PPP3CA: variants seen among roughly 807,000 people sequenced by gnomAD.
PPP3CA encodes the protein protein phosphatase 3 catalytic subunit alpha.
In PPP3CA, 14 loss-of-function variants were observed where a neutral mutation model predicts 66.5. The observed-to-expected ratio is 0.21, with a 90% CI of 0.14 to 0.33. The LOEUF (loss-of-function observed/expected upper bound fraction) is 0.33, where lower values mean the gene tolerates loss of function less well. Among genes scored for constraint, PPP3CA ranks in the 10% least tolerant of loss-of-function variants. The pLI is 1.00. For missense variants in PPP3CA, 317 were observed against 639.5 expected, an observed-to-expected ratio of 0.50 and a Z score of 5.44; for synonymous variants, 232 against 226.2, an observed-to-expected ratio of 1.03 and a Z score of -0.23.
At chr4:101,100,696 C>T (rs113867053) in intron 3 of PPP3CA, among the ~76,000 whole-genome samples, 3,509 of 152,152 alleles carry the variant, frequency 0.023, 60 homozygotes, top group Middle Eastern at 0.089. Context: ...CTTTTATCCT[C>T]GTAAAACCTG....
At chr4:101,060,571 T>TA (rs945295105) in intron 10 of PPP3CA, among the ~76,000 whole-genome samples, 1 of 152,014 alleles carries the variant, frequency 6.6e-6, no homozygotes, top group African/African-American at 2.4e-5. Flanking sequence ...TTAAAAAACA[T>TA]AAAAAACTCC....
At chr4:101,310,809 A>C (rs1728698236) in intron 1 of PPP3CA, among the ~76,000 whole-genome samples, 1 of 152,252 alleles carries the variant, frequency 6.6e-6, no homozygotes. Context: ...TTTTTGAGCA[A>C]AGGATCTTAT....
At chr4:101,178,413 A>G (rs1724131614) in intron 2 of PPP3CA, among the ~76,000 whole-genome samples, 1 of 152,114 alleles carries the variant, frequency 6.6e-6, no homozygotes, top group Admixed American at 6.6e-5. Context: ...ATCTGCTCCA[A>G]AAAAGACTTA....
At chr4:101,176,652 G>A (rs1724069088) in intron 2 of PPP3CA, among the ~76,000 whole-genome samples, 1 of 152,164 alleles carries the variant, frequency 6.6e-6, no homozygotes, top group Admixed American at 6.6e-5. Flanking sequence ...TTTAGCAACA[G>A]AGATTTGTAT....
At chr4:101,107,664 A>C (rs1394768677) in intron 3 of PPP3CA, among the ~76,000 whole-genome samples, 1 of 152,244 alleles carries the variant, frequency 6.6e-6, no homozygotes, top group African/African-American at 2.4e-5. Context: ...CAGTGACTAA[A>C]GGTGAATTAA....
At chr4:101,181,857 A>C (rs1014711020) in intron 2 of PPP3CA, among the ~76,000 whole-genome samples, 1 of 152,134 alleles carries the variant, frequency 6.6e-6, no homozygotes, top group African/African-American at 2.4e-5. Context: ...GGGATGTTAT[A>C]AATTATAACC....
At chr4:101,038,183 A>G (rs1393974352) in intron 11 of PPP3CA, among the ~76,000 whole-genome samples, 3 of 152,212 alleles carry the variant, frequency 2.0e-5, no homozygotes, top group African/African-American at 7.2e-5. Flanking sequence ...TGTGCTCCTG[A>G]TAATTTTTCC....
rs780544128 is a variant in PPP3CA, at chr4:101,098,379, A to G, written c.630T>C (p.Asp210=). The G allele has an allele frequency of 6.8e-6, 11 of 1,607,226 alleles. No homozygotes were observed. Among genetic ancestry groups the G allele is most frequent in the Non-Finnish European group, 8.5e-6 (10 of 1,177,472 alleles). ...TAACAAAACTTACTTTTCTGATATCATCTAAAGTGTTAATCTCTGGAGACA... is the reference window on the plus strand; with the variant it reads ...TAACAAAACTTACTTTTCTGATATCGTCTAAAGTGTTAATCTCTGGAGACA... ...GGLSPEINTL[D]DIRKLDRFKE... Residue 210 remains aspartate (D), a synonymous_variant, in exon 5 of 14, where the codon GAT becomes GAC. Transcript: ENST00000394854.
chr4:101,192,987 A>G (rs1724657910), intron 2 of PPP3CA, among the ~76,000 whole-genome samples: 1 of 152,212 alleles, frequency 6.6e-6, no homozygotes, highest in Admixed American at 6.5e-5. Flanking sequence ...GAGCACTGTC[A>G]AGGAAATACT....
chr4:101,095,583 G>A (rs1301016402), intron 5 of PPP3CA, among the ~76,000 whole-genome samples: 2 of 152,004 alleles, frequency 1.3e-5, no homozygotes, highest in Admixed American at 6.6e-5. Context: ...CTTAATTTAC[G>A]ATGTGAAGTT....
chr4:101,241,352 CT>C (rs1726303125), intron 1 of PPP3CA, among the ~76,000 whole-genome samples: 1 of 151,922 alleles, frequency 6.6e-6, no homozygotes, highest in African/African-American at 2.4e-5. Context: ...TGTGGAAGGC[CT>C]TTGTAAATGT....
At chr4:101,223,887 T>C (rs1322984354) in intron 1 of PPP3CA, among the ~76,000 whole-genome samples, 17 of 151,740 alleles carry the variant, frequency 1.1e-4, no homozygotes, top group Admixed American at 6.6e-5. Flanking sequence ...AAATAAGAAA[T>C]GTATATTCTT....
intron 11 of PPP3CA, among the ~76,000 whole-genome samples, chr4:101,033,913 C>T (rs1020514940): frequency 4.6e-5 from 7 of 152,182 alleles, no homozygotes; most frequent in African/African-American, 1.7e-4. Flanking sequence ...TCACCACCAG[C>T]ATCACCTACC....
rs756480949 is a variant in PPP3CA at position 101,023,832 on chromosome 4, A to T, written c.*2033T>A. ...AAACAAAGTGCACTAAAGATGAACA[A>T]TGTTACAAACAAACTGAAATTTGGT... On this transcript the variant is annotated 3_prime_UTR_variant, in exon 14 of 14. Transcript: ENST00000394854. 17 of 152,678 alleles carry T rather than the reference A, an allele frequency of 1.1e-4. No individual in the cohort carries two copies. Among genetic ancestry groups the T allele is most frequent in the Non-Finnish European group, 1.9e-4 (13 of 68,034 alleles). 9.5% of individuals were successfully genotyped at this position (152,678 alleles called of 1,614,324 possible). A position where few individuals can be genotyped will look rare whatever the true frequency, so the allele number is the denominator to read the frequency against.
intron 1 of PPP3CA, among the ~76,000 whole-genome samples, chr4:101,323,699 ATACT>A (rs544643350): frequency 3.3e-5 from 5 of 152,312 alleles, no homozygotes; most frequent in African/African-American, 1.2e-4. Context: ...ATATCAGCAA[ATACT>A]TATATAGCAC....
chr4:101,310,797 C>T (rs994687867), intron 1 of PPP3CA, among the ~76,000 whole-genome samples: 2 of 152,108 alleles, frequency 1.3e-5, no homozygotes, highest in Admixed American at 1.3e-4. Flanking sequence ...AAAGCACAAA[C>T]ATTTTTGAGC....
intron 2 of PPP3CA, 26 bp downstream of exon 2, chr4:101,195,890 G>A: frequency 4.4e-6 from 7 of 1,602,996 alleles, no homozygotes; most frequent in Non-Finnish European, 6.0e-6. Flanking sequence ...GTATACAAGT[G>A]GGCAACCTCC....
chr4:101,043,616 T>G (rs1157044075), intron 10 of PPP3CA, among the ~76,000 whole-genome samples: 1 of 151,702 alleles, frequency 6.6e-6, no homozygotes, highest in Non-Finnish European at 1.5e-5. Context: ...GGCTCACGCC[T>G]GTAATCCCAG....
intron 2 of PPP3CA, among the ~76,000 whole-genome samples, chr4:101,154,216 G>A (rs554600140): frequency 2.6e-5 from 4 of 152,190 alleles, no homozygotes; most frequent in African/African-American, 9.6e-5. Context: ...ACTGTGAATG[G>A]TCCTGTTAGC....
Sources: gnomAD v4.1 joint callset for allele counts (sites outside exome capture counted in the v4.1 genomes callset) on GRCh38, gnomAD v4.1.1 for gene constraint, MANE v1.5 for transcripts, NCBI Gene and HGNC (gene_info 2026-07-23, HGNC 2026-07-21) for gene names.